SFSWAP: variants seen among roughly 807,000 people sequenced by gnomAD.
The protein encoded by SFSWAP is splicing factor SWAP, also known as splicing factor, suppressor of white-apricot homolog.
SFSWAP carries 17 observed loss-of-function variants against 100.7 expected under a neutral mutation model. The observed-to-expected ratio is 0.17, with a 90% CI of 0.12 to 0.25. The LOEUF (loss-of-function observed/expected upper bound fraction) is 0.25, where lower values mean the gene tolerates loss of function less well. Among genes scored for constraint, SFSWAP ranks in the 10% least tolerant of loss-of-function variants. SFSWAP has a pLI of 1.00. For synonymous variants in SFSWAP, 504 were observed against 510.1 expected (o/e 0.99, Z 0.16); for missense variants, 1,005 against 1,262.6 (o/e 0.80, Z 3.09).
At chr12:131,775,486 C>T (rs540019567) in intron 13 of SFSWAP, among the ~76,000 whole-genome samples, 1 of 152,236 alleles carries the variant, frequency 6.6e-6, no homozygotes, top group South Asian at 2.1e-4. Flanking sequence ...TTTTTTAGTG[C>T]ATCAGCTGAT....
chr12:131,744,648 T>C (rs1054321705), intron 7 of SFSWAP, among the ~76,000 whole-genome samples: 1 of 152,236 alleles, frequency 6.6e-6, no homozygotes, highest in Non-Finnish European at 1.5e-5. Context: ...CCTCTGCCTG[T>C]TACCCAGTTC....
At chr12:131,721,054 T>C (rs768807254) in intron 4 of SFSWAP, among the ~76,000 whole-genome samples, 2 of 152,194 alleles carry the variant, frequency 1.3e-5, no homozygotes, top group Non-Finnish European at 2.9e-5. Context: ...CAGGCATGTC[T>C]AAGCATGTCC....
At chr12:131,793,913 G>A (rs1885450880) in intron 15 of SFSWAP, among the ~76,000 whole-genome samples, 1 of 152,058 alleles carries the variant, frequency 6.6e-6, no homozygotes, top group Non-Finnish European at 1.5e-5. Flanking sequence ...CGGGCTCGGG[G>A]GAGAGTGGGC....
At chr12:131,781,134 T>C (rs957014966) in intron 14 of SFSWAP, among the ~76,000 whole-genome samples, 2 of 152,166 alleles carry the variant, frequency 1.3e-5, no homozygotes, top group African/African-American at 4.8e-5. Flanking sequence ...ACATATTATT[T>C]GAATGATTTA....
intron 11 of SFSWAP, among the ~76,000 whole-genome samples, chr12:131,763,858 G>T (rs1470228711): frequency 2.0e-5 from 3 of 151,134 alleles, no homozygotes; most frequent in Non-Finnish European, 2.9e-5. Context: ...CGGGCACAGT[G>T]GCTCACGTCT....
At chr12:131,791,403 G>A (rs772083763) in intron 15 of SFSWAP, among the ~76,000 whole-genome samples, 1 of 151,718 alleles carries the variant, frequency 6.6e-6, no homozygotes, top group East Asian at 1.9e-4. Context: ...AAAAATAAAC[G>A]AAACTTTTCC....
intron 11 of SFSWAP, among the ~76,000 whole-genome samples, chr12:131,761,228 C>A (rs1047518770): frequency 2.0e-5 from 3 of 152,168 alleles, no homozygotes; most frequent in African/African-American, 7.2e-5. Flanking sequence ...TTTTCAAAAT[C>A]TCCCACAGAA....
At chr12:131,784,941 T>C (rs1023369109) in intron 14 of SFSWAP, 1 of 610,768 alleles carries the variant, frequency 1.6e-6, no homozygotes, top group African/African-American at 1.9e-5. Context: ...ATTGAGTTTA[T>C]TGTAGAATTC....
At chr12:131,795,518 G>A (rs1488826781) in intron 15 of SFSWAP, among the ~76,000 whole-genome samples, 1 of 152,204 alleles carries the variant, frequency 6.6e-6, no homozygotes, top group Non-Finnish European at 1.5e-5. Flanking sequence ...AGAGGGCACA[G>A]CCCCTCGATG....
rs138272370 is a variant in SFSWAP at position 131,754,443 on chromosome 12, T to C, written c.1398T>C (p.Tyr466=). Residue 466 remains tyrosine, a synonymous_variant, in exon 9 of 18, where the codon TAT becomes TAC. Coordinates refer to ENST00000261674, the MANE Select transcript of SFSWAP (RefSeq NM_004592.4). ...CCGTGATTGACAAGCTGGCCGAGTA[T>C]GTCGCCAGGAACGGCCTGAAGTTCG... ...VQPVIDKLAE[Y]VARNGLKFET... 9.5e-5 allele frequency: 152 copies of C among 1,601,780 alleles called. No homozygotes were observed. In the African/African-American group the frequency reaches 1.5e-3, roughly 16 times the overall value.
Position 131,777,145 on chromosome 12 carries a change from AT to A in SFSWAP, c.2143-911del, listed in dbSNP as rs539456183. Among the ~76,000 whole-genome samples, 94 of 151,662 alleles carry A rather than the reference AT, an allele frequency of 6.2e-4. No homozygotes were observed. In the East Asian group the frequency reaches 0.014, roughly 22 times the overall value. Reference sequence around the variant, plus strand: ...TTTTTTTTGTTTTTCCTTAAGAACTATTTTTTTTTATTATACTTTAAGTTTT... The same window carrying A: ...TTTTTTTTGTTTTTCCTTAAGAACTATTTTTTTTATTATACTTTAAGTTTT... On this transcript the variant is annotated intron_variant, in intron 13 of 17. Coordinates refer to ENST00000261674, the MANE Select transcript of SFSWAP (RefSeq NM_004592.4).
chr12:131,782,861 C>T (rs1031307977), intron 14 of SFSWAP, among the ~76,000 whole-genome samples: 3 of 152,038 alleles, frequency 2.0e-5, no homozygotes, highest in East Asian at 1.9e-4. Flanking sequence ...ATACTAGTTA[C>T]GACAAGGTAG....
intron 4 of SFSWAP, among the ~76,000 whole-genome samples, chr12:131,722,115 G>A (rs1878532438): frequency 1.3e-5 from 2 of 152,216 alleles, no homozygotes; most frequent in African/African-American, 4.8e-5. Flanking sequence ...GCAGGACATG[G>A]TTTGACTCAC....
intron 15 of SFSWAP, chr12:131,795,973 AGGGATAGGGGAGGGGAG>A (rs1885612054): frequency 2.0e-5 from 2 of 99,572 alleles, no homozygotes; most frequent in African/African-American, 3.7e-5. Flanking sequence ...ACGGGAGGGG[AGGGATAGGGGAGGGGAG>A]GGGAGAGGGG....
intron 3 of SFSWAP, among the ~76,000 whole-genome samples, chr12:131,715,632 G>A (rs1215021207): frequency 6.6e-6 from 1 of 152,212 alleles, no homozygotes; most frequent in African/African-American, 2.4e-5. Context: ...CTGCATCATG[G>A]TCAGTCGTTA....
intron 11 of SFSWAP, among the ~76,000 whole-genome samples, chr12:131,763,719 A>AT (rs752221272): frequency 2.6e-5 from 4 of 151,818 alleles, no homozygotes; most frequent in East Asian, 1.9e-4. Flanking sequence ...AGAAAAGGCT[A>AT]TTTTTTATCA....
At position 131,799,088 on chromosome 12, in the gene SFSWAP, C is replaced by T. The variant is rs200814273; in HGVS notation, c.2769C>T (p.Ser923=). The part of the protein sequence containing the change: ...EAQISSAIVS[S]VQSKITQDLM... ...AGATCTCTTCAGCAATCGTTTCTTC[C>T]GTGCAGAGCAAAATCACTCAGGTCA... The change falls in exon 17 of 18, where the codon TCC becomes TCT. Residue 923 remains serine, a synonymous_variant. Transcript: ENST00000261674. The T allele has an allele frequency of 1.6e-4, 259 of 1,614,002 alleles. 3 individuals carry two copies. Among genetic ancestry groups the T allele is most frequent in the South Asian group, 5.3e-4 (48 of 91,080 alleles).
In SFSWAP at chr12:131,714,634, G is replaced by A; in HGVS notation, c.389-188G>A. 1.7e-6 allele frequency: 1 copy of A among 595,012 alleles called. No homozygotes were observed. The highest frequency in any genetic ancestry group is 2.2e-5 in the South Asian group (1 of 45,422). 36.9% of individuals were successfully genotyped at this position (595,012 alleles called of 1,614,324 possible). Reference sequence around the variant, plus strand: ...AAGACGTGTATTCAGCTGTCTGTGGGTAAACATGTACTGACAAAAGTACAT... The same window carrying A: ...AAGACGTGTATTCAGCTGTCTGTGGATAAACATGTACTGACAAAAGTACAT... On this transcript the variant is annotated intron_variant, in intron 2 of 17. Transcript: ENST00000261674. This position sits in a 1 kb window ranked among gnomAD's most constrained non-coding sequence, Gnocchi z 6.0.
In SFSWAP at chr12:131,753,249, C is replaced by G. The variant is rs1441076395; in HGVS notation, c.1208C>G (p.Ser403Cys). The G allele has an allele frequency of 2.5e-6, 4 of 1,614,120 alleles. No individual in the cohort carries two copies. In the African/African-American group the frequency reaches 5.3e-5, roughly 22 times the overall value. Residue 403 changes from serine to cysteine, a missense_variant, in exon 8 of 18, where the codon TCT (serine) becomes TGT (cysteine). Transcript: ENST00000261674. ...ACCCTTCCTGCTGGCGTGACCGTGT[C>G]TAACTCCCCTGGAGTGACGACCACC... is the stretch of plus-strand genomic sequence containing the variant. ...YSTLPAGVTVSNSPGVTTTAP... is the reference protein window; with the variant it reads ...YSTLPAGVTVCNSPGVTTTAP...
Sources: allele counts gnomAD v4.1 joint callset (sites outside exome capture counted in the v4.1 genomes callset), GRCh38; gene constraint gnomAD v4.1.1; non-coding constraint Gnocchi (gnomAD v3.1); transcripts MANE v1.5; gene names NCBI Gene and HGNC (gene_info 2026-07-23, HGNC 2026-07-21).